AUTS2: variants seen among roughly 807,000 people sequenced by gnomAD.
AUTS2 encodes autism susceptibility gene 2 protein.
In AUTS2, 17 loss-of-function variants were observed where a neutral mutation model predicts 112.4. That is an observed-to-expected ratio of 0.15 (90% CI 0.10 to 0.23). The LOEUF (loss-of-function observed/expected upper bound fraction) is 0.23, where lower values mean the gene tolerates loss of function less well. Among genes scored for constraint, AUTS2 ranks in the 10% least tolerant of loss-of-function variants. The probability of loss-of-function intolerance (pLI) is 1.00; values close to 1 mark genes in which losing one functional copy is unlikely to be tolerated. For missense variants in AUTS2, 1,510 were observed against 1,701.6 expected, an observed-to-expected ratio of 0.89 and a Z score of 1.98; for synonymous variants, 751 against 702.7, an observed-to-expected ratio of 1.07 and a Z score of -1.09.
intron 5 of AUTS2, among the ~76,000 whole-genome samples, chr7:70,581,121 G>A (rs957456379): frequency 5.9e-5 from 9 of 152,112 alleles, no homozygotes; most frequent in East Asian, 1.9e-4. Context: ...AGTGGCTCAC[G>A]CTTGTAATAC....
intron 5 of AUTS2, among the ~76,000 whole-genome samples, chr7:70,635,948 C>T (rs912768297): frequency 1.3e-5 from 2 of 152,212 alleles, no homozygotes; most frequent in African/African-American, 4.8e-5. Context: ...ACTGGCTGTG[C>T]TGCCTCCATT....
At position 69,832,752 on chromosome 7, in the gene AUTS2, T is replaced by C. The variant is rs1791556868; in HGVS notation, c.310-66534T>C. Among the ~76,000 whole-genome samples the C allele has an allele frequency of 2.6e-5, 4 of 152,342 alleles. No individual in the cohort carries two copies. The South Asian group carries it at 8.3e-4, about 32-fold the overall frequency. ...CTTTACCTTGTAAGTTAGATATTTT[T>C]ACCTGTTGCTTCTCAGAAAAACCTA... On this transcript the variant is annotated intron_variant, in intron 1 of 18. Transcript: ENST00000342771.
chr7:70,089,112 A>G (rs1803773068), intron 2 of AUTS2, among the ~76,000 whole-genome samples: 1 of 152,194 alleles, frequency 6.6e-6, no homozygotes, highest in Admixed American at 6.5e-5. Flanking sequence ...ATTATGCATA[A>G]TAGTATTTTT....
At chr7:69,809,004 T>G (rs1046909651) in intron 1 of AUTS2, among the ~76,000 whole-genome samples, 1 of 152,130 alleles carries the variant, frequency 6.6e-6, no homozygotes, top group Non-Finnish European at 1.5e-5. Context: ...CTATCTTATC[T>G]TAGTGTACCT....
intron 2 of AUTS2, among the ~76,000 whole-genome samples, chr7:70,114,942 C>G (rs906848855): frequency 2.0e-5 from 3 of 152,162 alleles, no homozygotes; most frequent in Non-Finnish European, 4.4e-5. Flanking sequence ...AGCTTAAAAT[C>G]CTAAGTTTCC....
intron 4 of AUTS2, among the ~76,000 whole-genome samples, chr7:70,216,743 G>A (rs1369843835): frequency 6.6e-6 from 1 of 152,154 alleles, no homozygotes; most frequent in Non-Finnish European, 1.5e-5. Flanking sequence ...GCCCATAGTG[G>A]TAGTTGGCTG....
chr7:69,722,073 G>A (rs191112079), intron 1 of AUTS2, among the ~76,000 whole-genome samples: 118 of 151,828 alleles, frequency 7.8e-4, no homozygotes, highest in Non-Finnish European at 1.3e-3. Flanking sequence ...GATTATAGAG[G>A]GGATAGAGAG....
chr7:70,599,040 A>G (rs558274601), intron 5 of AUTS2, among the ~76,000 whole-genome samples: 33 of 152,310 alleles, frequency 2.2e-4, no homozygotes, highest in African/African-American at 7.9e-4. Flanking sequence ...CCCTGCCTCT[A>G]CTTTTCTTTT....
chr7:70,514,693 G>A (rs927348825), intron 5 of AUTS2, among the ~76,000 whole-genome samples: 1 of 152,182 alleles, frequency 6.6e-6, no homozygotes, highest in Non-Finnish European at 1.5e-5. Context: ...GGGTCATAAG[G>A]TGTGAGCATC....
rs576793454 is a variant in AUTS2 at position 70,103,783 on chromosome 7, A to G, written c.523-14349A>G. On this transcript the variant is annotated intron_variant, in intron 2 of 18. Transcript: ENST00000342771. Reference sequence around the variant, plus strand: ...AAATTAGCCGGGCATGGTGGCGTGCACCTGTAAGCCAAGCTAGTTGGGAGG... The same window carrying G: ...AAATTAGCCGGGCATGGTGGCGTGCGCCTGTAAGCCAAGCTAGTTGGGAGG... Among the ~76,000 whole-genome samples, 3 of 151,814 alleles carry G rather than the reference A, an allele frequency of 2.0e-5. No homozygotes were observed. In the South Asian group the frequency reaches 6.3e-4, roughly 32 times the overall value.
At chr7:70,722,254 A>C (rs1316144548) in intron 6 of AUTS2, among the ~76,000 whole-genome samples, 1 of 151,818 alleles carries the variant, frequency 6.6e-6, no homozygotes, top group African/African-American at 2.4e-5. Flanking sequence ...TTTGTTACCC[A>C]ATTATTTTTT....
chr7:70,533,917 T>C (rs760543681), intron 5 of AUTS2, among the ~76,000 whole-genome samples: 40 of 152,162 alleles, frequency 2.6e-4, no homozygotes, highest in Non-Finnish European at 4.9e-4. Flanking sequence ...GTGCTGGAAG[T>C]ACAGTCAGGG....
intron 2 of AUTS2, among the ~76,000 whole-genome samples, chr7:69,919,546 G>A (rs755539994): frequency 5.3e-5 from 8 of 152,204 alleles, no homozygotes; most frequent in Non-Finnish European, 7.3e-5. Context: ...TATTGCACAG[G>A]CTGTATGAAC....
chr7:70,567,743 G>T (rs148043155), intron 5 of AUTS2, among the ~76,000 whole-genome samples: 2 of 152,156 alleles, frequency 1.3e-5, no homozygotes, highest in African/African-American at 4.8e-5. Flanking sequence ...ACTCATTTTC[G>T]TTCAAAGCAC....
chr7:70,766,809 G>A lies in AUTS2; in HGVS notation c.1689+475G>A, dbSNP rs1426478970. ...GCATTGGGTGCCACCTGTGCATTCC[G>A]ATGGCTTCCCTAAACCCACTTTGTT... On this transcript the variant is annotated intron_variant, in intron 9 of 18. Coordinates refer to ENST00000342771, the MANE Select transcript of AUTS2 (RefSeq NM_015570.4). This position sits in a 1 kb window ranked among gnomAD's most constrained non-coding sequence, Gnocchi z 4.8. 6.6e-6 allele frequency among the ~76,000 whole-genome samples: 1 copy of A among 152,166 alleles called. No individual in the cohort carries two copies. The highest frequency in any genetic ancestry group is 1.5e-5 in the Non-Finnish European group (1 of 68,028).
chr7:70,095,909 G>A (rs1316417622), intron 2 of AUTS2, among the ~76,000 whole-genome samples: 2 of 152,148 alleles, frequency 1.3e-5, no homozygotes, highest in Non-Finnish European at 2.9e-5. Flanking sequence ...TATTAATTTA[G>A]TACACAGTTT....
intron 4 of AUTS2, among the ~76,000 whole-genome samples, chr7:70,395,742 C>G (rs891640493): frequency 1.3e-5 from 2 of 152,134 alleles, no homozygotes; most frequent in African/African-American, 4.8e-5. Context: ...ATTACAGGTT[C>G]AAGGAGCCTA....
At chr7:70,317,984 T>C (rs1790075990) in intron 4 of AUTS2, among the ~76,000 whole-genome samples, 1 of 152,156 alleles carries the variant, frequency 6.6e-6, no homozygotes, top group Non-Finnish European at 1.5e-5. Flanking sequence ...GGTCATGACT[T>C]GCTACCTTTA....
Position 70,774,075 on chromosome 7 carries a change from C to T in AUTS2, c.1878C>T (p.His626=). ...DVAARPGTVP[H]TLLQKDPRLT... Reference sequence around the variant, plus strand: ...CTGCTCGGCCTGGGACAGTCCCACACACTTTACTCCAAAAGGACCCGAGGG... The same window carrying T: ...CTGCTCGGCCTGGGACAGTCCCACATACTTTACTCCAAAAGGACCCGAGGG... The change falls in exon 12 of 19, where the codon CAC becomes CAT. Residue 626 remains histidine (H), a synonymous_variant. Transcript: ENST00000342771. The T allele has an allele frequency of 2.5e-6, 4 of 1,614,210 alleles. No homozygotes were observed. Among genetic ancestry groups the T allele is most frequent in the Admixed American group, 1.7e-5 (1 of 60,030 alleles).
Sources: allele counts gnomAD v4.1 joint callset (sites outside exome capture counted in the v4.1 genomes callset), GRCh38; gene constraint gnomAD v4.1.1; non-coding constraint Gnocchi (gnomAD v3.1); transcripts MANE v1.5; gene names NCBI Gene and HGNC (gene_info 2026-07-23, HGNC 2026-07-21).